PDE11A: variants seen among roughly 807,000 people sequenced by gnomAD.
PDE11A encodes the protein phosphodiesterase 11A, also known as dual 3',5'-cyclic-AMP and -GMP phosphodiesterase 11A.
Under a neutral mutation model 100.5 loss-of-function variants are expected in PDE11A, and 100 were observed. The observed-to-expected ratio is 1.00, with a 90% CI of 0.85 to 1.18. PDE11A has a LOEUF of 1.18. Among genes scored for constraint, PDE11A ranks in the 50% most tolerant of loss-of-function variants. The pLI is 0.00. For missense variants in PDE11A, 1,141 were observed against 1,152.6 expected (o/e 0.99, Z 0.15); for synonymous variants, 381 against 420.8 (o/e 0.91, Z 1.16).
intron 2 of PDE11A, among the ~76,000 whole-genome samples, chr2:177,909,004 C>T (rs1002236138): frequency 1.3e-5 from 2 of 152,160 alleles, no homozygotes; most frequent in East Asian, 3.9e-4. Flanking sequence ...CGACAAAGCA[C>T]CCCTCAATTT....
chr2:177,660,099 C>CT (rs1553535225), intron 19 of PDE11A, among the ~76,000 whole-genome samples: 1 of 42,284 alleles, frequency 2.4e-5, no homozygotes, highest in African/African-American at 6.7e-5. Context: ...TTCTTTCTTT[C>CT]TCTCTCTCTC....
At chr2:178,054,715 G>C (rs2086875870) in intron 1 of PDE11A, among the ~76,000 whole-genome samples, 1 of 152,186 alleles carries the variant, frequency 6.6e-6, no homozygotes. Flanking sequence ...CTCCAAAGAA[G>C]ACATTTATGC....
At chr2:177,661,811 C>G (rs564719912) in intron 19 of PDE11A, among the ~76,000 whole-genome samples, 1 of 152,270 alleles carries the variant, frequency 6.6e-6, no homozygotes, top group South Asian at 2.1e-4. Context: ...CATGACACAT[C>G]TCTCCCCAGT....
chr2:178,099,446 G>GAAAAAAAAA (rs201692711), intron 2 of PDE11A, among the ~76,000 whole-genome samples: 1 of 84,558 alleles, frequency 1.2e-5, no homozygotes, highest in Non-Finnish European at 2.4e-5. Flanking sequence ...CATCTCAAGA[G>GAAAAAAAAA]AAAAAAAAAA....
intron 2 of PDE11A, among the ~76,000 whole-genome samples, chr2:177,912,419 G>A (rs538480850): frequency 1.6e-4 from 24 of 152,304 alleles, no homozygotes; most frequent in African/African-American, 5.8e-4. Flanking sequence ...AAGTAGCCTA[G>A]TAGCATCAAC....
intron 10 of PDE11A, among the ~76,000 whole-genome samples, chr2:177,763,090 C>T (rs1370095197): frequency 6.6e-6 from 1 of 152,200 alleles, no homozygotes; most frequent in Non-Finnish European, 1.5e-5. Flanking sequence ...CGAAGCACTC[C>T]GCATATTTAT....
chr2:177,628,973 G>A lies in PDE11A; in HGVS notation c.*434C>T. On this transcript the variant is annotated 3_prime_UTR_variant, in exon 20 of 20. Coordinates refer to ENST00000286063, the MANE Select transcript of PDE11A (RefSeq NM_016953.4). Reference sequence around the variant, plus strand: ...TCTTGGGACAGTCTGGCACAAAAAGGCATTCAGGGACAGGAAGCAAAGACA... The same window carrying A: ...TCTTGGGACAGTCTGGCACAAAAAGACATTCAGGGACAGGAAGCAAAGACA... The A allele has an allele frequency of 4.6e-6, 1 of 218,614 alleles. No homozygotes were observed. Among genetic ancestry groups the A allele is most frequent in the Non-Finnish European group, 9.3e-6 (1 of 108,058 alleles). 13.5% of individuals were successfully genotyped at this position (218,614 alleles called of 1,614,324 possible). A position where few individuals can be genotyped will look rare whatever the true frequency, so the allele number is the denominator to read the frequency against.
At chr2:177,966,622 T>C (rs1426857003) in intron 2 of PDE11A, among the ~76,000 whole-genome samples, 1 of 152,198 alleles carries the variant, frequency 6.6e-6, no homozygotes, top group Non-Finnish European at 1.5e-5. Flanking sequence ...TCTTGTGGTT[T>C]TGTTTTTAAT....
chr2:178,089,330 TGA>T (rs913781448), intron 2 of PDE11A, among the ~76,000 whole-genome samples: 4 of 152,146 alleles, frequency 2.6e-5, no homozygotes, highest in Non-Finnish European at 4.4e-5. Flanking sequence ...ACTACTGCAA[TGA>T]GAGTTTTGCA....
intron 9 of PDE11A, among the ~76,000 whole-genome samples, chr2:177,801,196 A>G (rs1376362681): frequency 6.6e-6 from 1 of 152,236 alleles, no homozygotes; most frequent in African/African-American, 2.4e-5. Context: ...TCCTGAATGT[A>G]TCCACAGTAG....
intron 2 of PDE11A, among the ~76,000 whole-genome samples, chr2:177,994,340 A>T (rs183202086): frequency 4.9e-4 from 74 of 152,288 alleles, no homozygotes; most frequent in Non-Finnish European, 9.7e-4. Flanking sequence ...TCTTCCAGTT[A>T]ACTGTCTTTC....
chr2:177,691,183 G>A (rs914669828), intron 15 of PDE11A, among the ~76,000 whole-genome samples: 1 of 152,178 alleles, frequency 6.6e-6, no homozygotes, highest in African/African-American at 2.4e-5. Flanking sequence ...ATCACAACCT[G>A]TTGAGGATCA....
chr2:177,956,081 C>T (rs1574306188), intron 2 of PDE11A, among the ~76,000 whole-genome samples: 1 of 152,116 alleles, frequency 6.6e-6, no homozygotes. Context: ...AACTAAAGAG[C>T]TTCTGCACAG....
intron 1 of PDE11A, among the ~76,000 whole-genome samples, chr2:178,017,329 A>T (rs1302025708): frequency 6.6e-6 from 1 of 152,260 alleles, no homozygotes; most frequent in African/African-American, 2.4e-5. Context: ...AGAGAAAAAT[A>T]AATTATGATC....
intron 2 of PDE11A, among the ~76,000 whole-genome samples, chr2:178,091,691 C>G (rs1194163869): frequency 5.9e-5 from 9 of 152,130 alleles, no homozygotes; most frequent in Non-Finnish European, 4.4e-5. Context: ...GGGGCTGCCT[C>G]ACACTACACA....
chr2:177,894,419 T>C (rs1043882771), intron 4 of PDE11A, among the ~76,000 whole-genome samples: 2 of 152,170 alleles, frequency 1.3e-5, no homozygotes, highest in African/African-American at 4.8e-5. Flanking sequence ...TTAGAGTTCA[T>C]CCGTATGGTG....
At chr2:177,780,968 T>C (rs1427768498) in intron 9 of PDE11A, among the ~76,000 whole-genome samples, 1 of 152,248 alleles carries the variant, frequency 6.6e-6, no homozygotes, top group African/African-American at 2.4e-5. Context: ...TCAAAAACTT[T>C]TCCTTTGCAT....
At chr2:178,083,626 T>C (rs1266216074) in intron 2 of PDE11A, among the ~76,000 whole-genome samples, 1 of 152,180 alleles carries the variant, frequency 6.6e-6, no homozygotes, top group Admixed American at 6.5e-5. Flanking sequence ...TGAATTACCT[T>C]TTCCTGCTAA....
At chr2:177,845,129 T>C (rs1433020780) in intron 5 of PDE11A, among the ~76,000 whole-genome samples, 8 of 145,526 alleles carry the variant, frequency 5.5e-5, no homozygotes, top group East Asian at 2.1e-4. Flanking sequence ...GCAGAGGCGC[T>C]CCTCACCTCC....
Sources: gnomAD v4.1 joint callset for allele counts (sites outside exome capture counted in the v4.1 genomes callset) on GRCh38, gnomAD v4.1.1 for gene constraint, MANE v1.5 for transcripts, NCBI Gene and HGNC (gene_info 2026-07-23, HGNC 2026-07-21) for gene names.